The following STXBP5 variants were observed in gnomAD, a reference collection of about 807,000 sequenced individuals.
The protein encoded by STXBP5 is syntaxin binding protein 5, also known as syntaxin-binding protein 5.
A neutral mutation model predicts 152.4 loss-of-function variants in STXBP5; 50 were observed. The observed-to-expected ratio is 0.33, with a 90% CI of 0.26 to 0.42. STXBP5 has a LOEUF of 0.42. Among genes scored for constraint, STXBP5 ranks in the 10% least tolerant of loss-of-function variants. The pLI is 1.00. For missense variants in STXBP5, 1,167 were observed against 1,388.6 expected (o/e 0.84, Z 2.54); for synonymous variants, 492 against 494.7 (o/e 0.99, Z 0.07).
intron 9 of STXBP5, chr6:147,292,416 A>T (rs766833979): frequency 7.1e-6 from 2 of 279,746 alleles, no homozygotes; most frequent in Admixed American, 1.1e-4. Context: ...CACTTATGAC[A>T]TAGATGGATA....
chr6:147,270,817 C>A (rs1780128728), intron 7 of STXBP5, among the ~76,000 whole-genome samples: 1 of 151,984 alleles, frequency 6.6e-6, no homozygotes, highest in African/African-American at 2.4e-5. Flanking sequence ...ATAGAGTTAA[C>A]AAACAGACAA....
At chr6:147,372,601 A>G (rs1419258553) in intron 25 of STXBP5, among the ~76,000 whole-genome samples, 1 of 150,878 alleles carries the variant, frequency 6.6e-6, no homozygotes, top group East Asian at 2.0e-4. Flanking sequence ...CGCCCTGCTA[A>G]TTTTTGTATT....
intron 8 of STXBP5, among the ~76,000 whole-genome samples, chr6:147,279,138 A>G (rs886938439): frequency 6.6e-6 from 1 of 152,228 alleles, no homozygotes; most frequent in African/African-American, 2.4e-5. Flanking sequence ...CTTTGTAGTG[A>G]TAGCAGCCAC....
rs1169248884 is a variant in STXBP5, at chr6:147,390,011, T to A, written c.*5256T>A. ...TTAAGTTTTTCTAACATTGTCCACT[T>A]CAGGGGCAAGCATGCTTGGTATAGA... is the stretch of plus-strand genomic sequence containing the variant. On this transcript the variant is annotated 3_prime_UTR_variant, in exon 28 of 28. Coordinates refer to ENST00000321680, the MANE Select transcript of STXBP5 (RefSeq NM_001127715.4). 6.6e-6 allele frequency: 1 copy of A among 151,954 alleles called. No homozygotes were observed. Among genetic ancestry groups the A allele is most frequent in the Admixed American group, 6.6e-5 (1 of 15,218 alleles). 9.4% of individuals were successfully genotyped at this position (151,954 alleles called of 1,614,324 possible).
chr6:147,311,026 T>C (rs1782348628), intron 10 of STXBP5, among the ~76,000 whole-genome samples: 2 of 152,168 alleles, frequency 1.3e-5, no homozygotes, highest in African/African-American at 4.8e-5. Context: ...TTCACTTCAG[T>C]TGAAATTCAT....
intron 9 of STXBP5, among the ~76,000 whole-genome samples, chr6:147,299,228 A>G (rs1781684221): frequency 2.0e-5 from 3 of 146,634 alleles, no homozygotes; most frequent in South Asian, 4.5e-4. Flanking sequence ...GAATAATTAT[A>G]TGCCAACAAA....
At chr6:147,229,383 A>G (rs964396392) in intron 2 of STXBP5, among the ~76,000 whole-genome samples, 5 of 151,960 alleles carry the variant, frequency 3.3e-5, no homozygotes, top group Non-Finnish European at 5.9e-5. Flanking sequence ...ATGCTTACAT[A>G]TAATGATATG....
At chr6:147,371,586 A>G (rs1562274521) in intron 25 of STXBP5, among the ~76,000 whole-genome samples, 1 of 152,106 alleles carries the variant, frequency 6.6e-6, no homozygotes, top group African/African-American at 2.4e-5. Flanking sequence ...TGACAGACTA[A>G]TTTGACTAAG....
At chr6:147,279,039 G>A (rs1425803832) in intron 8 of STXBP5, among the ~76,000 whole-genome samples, 1 of 152,172 alleles carries the variant, frequency 6.6e-6, no homozygotes, top group Non-Finnish European at 1.5e-5. Context: ...CAATTAGGCA[G>A]AGTAAATCAT....
intron 26 of STXBP5, among the ~76,000 whole-genome samples, chr6:147,376,669 T>C (rs1785826153): frequency 6.6e-6 from 1 of 151,850 alleles, no homozygotes; most frequent in Non-Finnish European, 1.5e-5. Flanking sequence ...ATTTAAAAAT[T>C]TAGTGGTAGT....
chr6:147,335,869 C>CA (rs1457060357), intron 19 of STXBP5, among the ~76,000 whole-genome samples: 1 of 152,044 alleles, frequency 6.6e-6, no homozygotes, highest in African/African-American at 2.4e-5. Flanking sequence ...CAGAGAAACT[C>CA]AAACATGGTT....
chr6:147,276,852 A>G (rs866138528), intron 7 of STXBP5, among the ~76,000 whole-genome samples: 5 of 152,098 alleles, frequency 3.3e-5, no homozygotes, highest in Non-Finnish European at 5.9e-5. Flanking sequence ...TTGGTTTACC[A>G]AGACGTAATA....
At chr6:147,287,144 C>T (rs1287965605) in intron 8 of STXBP5, among the ~76,000 whole-genome samples, 8 of 144,798 alleles carry the variant, frequency 5.5e-5, no homozygotes, top group African/African-American at 2.1e-4. Context: ...AAACATTTAT[C>T]GTTTGAGTTA....
chr6:147,228,424 G>C (rs1207703321), intron 2 of STXBP5, among the ~76,000 whole-genome samples: 2 of 151,824 alleles, frequency 1.3e-5, no homozygotes, highest in East Asian at 1.9e-4. Context: ...CTGGAAGTCT[G>C]TAGGAAGCCT....
intron 25 of STXBP5, among the ~76,000 whole-genome samples, chr6:147,364,609 C>T (rs1405282654): frequency 6.6e-6 from 1 of 152,034 alleles, no homozygotes; most frequent in Non-Finnish European, 1.5e-5. Flanking sequence ...GGTAGTTTTC[C>T]TCTAGTATGT....
intron 15 of STXBP5, among the ~76,000 whole-genome samples, chr6:147,315,943 T>C (rs1782621288): frequency 6.6e-6 from 1 of 152,224 alleles, no homozygotes; most frequent in Non-Finnish European, 1.5e-5. Flanking sequence ...ATAGGATATG[T>C]TTCCTTTAAG....
At chr6:147,359,383 CTTTG>C in intron 23 of STXBP5, 60 bp downstream of exon 23, 1 of 1,543,278 alleles carries the variant, frequency 6.5e-7, no homozygotes, top group East Asian at 2.3e-5. Flanking sequence ...TGATAGAAGC[CTTTG>C]TTTTTCATTC....
intron 10 of STXBP5, 28 bp downstream of exon 10, chr6:147,310,266 C>A: frequency 1.4e-6 from 2 of 1,449,610 alleles, no homozygotes; most frequent in Non-Finnish European, 9.1e-7. Context: ...AAAGCTCATT[C>A]TCTATAGAGA....
At chr6:147,367,537 C>G (rs1243765835) in intron 25 of STXBP5, among the ~76,000 whole-genome samples, 1 of 152,124 alleles carries the variant, frequency 6.6e-6, no homozygotes, top group Non-Finnish European at 1.5e-5. Flanking sequence ...ACTTGGGAGG[C>G]TCAGGCAGGA....
Sources: gnomAD v4.1 joint callset for allele counts (sites outside exome capture counted in the v4.1 genomes callset) on GRCh38, gnomAD v4.1.1 for gene constraint, MANE v1.5 for transcripts, NCBI Gene and HGNC (gene_info 2026-07-23, HGNC 2026-07-21) for gene names.